NRG3: variants seen among roughly 807,000 people sequenced by gnomAD.
NRG3 encodes pro-neuregulin-3, membrane-bound isoform.
NRG3 carries 31 observed loss-of-function variants against 66.9 expected under a neutral mutation model. The observed-to-expected ratio is 0.46, with a 90% CI of 0.35 to 0.63. The LOEUF (loss-of-function observed/expected upper bound fraction) is 0.63. Ranked by LOEUF, NRG3 falls within the 20% of genes least tolerant of loss-of-function variation. NRG3 has a pLI of 0.00. For missense variants in NRG3, 910 were observed against 878.9 expected (o/e 1.04, Z -0.45); for synonymous variants, 393 against 359.4 (o/e 1.09, Z -1.06).
intron 3 of NRG3, among the ~76,000 whole-genome samples, chr10:82,800,715 A>G (rs1318778242): frequency 6.6e-6 from 1 of 152,214 alleles, no homozygotes; most frequent in African/African-American, 2.4e-5. Context: ...GCTGCAAAGT[A>G]CCAAATAAGA....
chr10:82,104,512 C>A lies in NRG3; in HGVS notation c.823+228349C>A, dbSNP rs140069583. Among the ~76,000 whole-genome samples, 13 of 152,276 alleles carry A rather than the reference C, an allele frequency of 8.5e-5. No homozygotes were observed. In the East Asian group the frequency reaches 2.5e-3, roughly 29 times the overall value. On this transcript the variant is annotated intron_variant, in intron 1 of 8. Transcript: ENST00000372141. ...AAATCAAGAACTTTGTTGCCACTAT[C>A]CGTCTTCAGTAAAACTGTTCTTAGA...
chr10:82,386,190 A>G (rs2085976399), intron 2 of NRG3, among the ~76,000 whole-genome samples: 1 of 152,204 alleles, frequency 6.6e-6, no homozygotes, highest in African/African-American at 2.4e-5. Flanking sequence ...TTTAAACGAA[A>G]ATGAAAAGAT....
Position 81,888,073 on chromosome 10 carries a change from G to A in NRG3, c.823+11910G>A, listed in dbSNP as rs143820481. Among the ~76,000 whole-genome samples, 502 of 152,206 alleles carry A rather than the reference G, an allele frequency of 3.3e-3. 1 individual carries two copies. Among genetic ancestry groups the A allele is most frequent in the African/African-American group, 0.011 (466 of 41,536 alleles). ...ACCAGGGTGGTGGCCTGAGTTTATAGGTTTTTCCATGTACAGAGACTGGAT... is the reference window on the plus strand; with the variant it reads ...ACCAGGGTGGTGGCCTGAGTTTATAAGTTTTTCCATGTACAGAGACTGGAT... On this transcript the variant is annotated intron_variant, in intron 1 of 8. Transcript: ENST00000372141.
chr10:82,415,720 T>A (rs1234259096), intron 2 of NRG3, among the ~76,000 whole-genome samples: 5 of 152,196 alleles, frequency 3.3e-5, no homozygotes, highest in Non-Finnish European at 7.3e-5. Context: ...TGACAAAGTT[T>A]ATTTTGCAGG....
chr10:82,167,039 T>C (rs1441771039), intron 1 of NRG3, among the ~76,000 whole-genome samples: 1 of 152,072 alleles, frequency 6.6e-6, no homozygotes, highest in Non-Finnish European at 1.5e-5. Flanking sequence ...TTTCTTTTTA[T>C]CACAGATTTT....
intron 4 of NRG3, among the ~76,000 whole-genome samples, chr10:82,947,227 A>G (rs760817549): frequency 1.2e-4 from 19 of 152,070 alleles, no homozygotes; most frequent in Non-Finnish European, 2.8e-4. Context: ...TTGCTGTCTG[A>G]TTTATTGCAC....
Position 82,635,560 on chromosome 10 carries a change from G to T in NRG3, c.954-103017G>T, listed in dbSNP as rs551534067. Among the ~76,000 whole-genome samples, 18 of 152,042 alleles carry T rather than the reference G, an allele frequency of 1.2e-4. No individual in the cohort carries two copies. In the East Asian group the frequency reaches 2.9e-3, roughly 25 times the overall value. ...GGGGAAAACGCCCCTTCTTATCTGA[G>T]CTCCATTTTTTCTCATAGACAAAAG... On this transcript the variant is annotated intron_variant, in intron 2 of 8. Transcript: ENST00000372141.
intron 3 of NRG3, among the ~76,000 whole-genome samples, chr10:82,844,008 ATAGT>A (rs1354932055): frequency 6.6e-6 from 1 of 152,116 alleles, no homozygotes; most frequent in Non-Finnish European, 1.5e-5. Flanking sequence ...ATCATTTGTC[ATAGT>A]TAAATAGATC....
chr10:82,709,326 G>A (rs2056509365), intron 2 of NRG3, among the ~76,000 whole-genome samples: 1 of 151,720 alleles, frequency 6.6e-6, no homozygotes. Context: ...CTTTCTTGTT[G>A]TTGTTGTTTT....
At chr10:82,878,104 A>G (rs2136037756) in intron 4 of NRG3, among the ~76,000 whole-genome samples, 1 of 152,298 alleles carries the variant, frequency 6.6e-6, no homozygotes, top group South Asian at 2.1e-4. Context: ...AAAAAATTAT[A>G]TTTCTACAGT....
chr10:82,223,766 C>G (rs2076050933), intron 1 of NRG3, among the ~76,000 whole-genome samples: 1 of 151,900 alleles, frequency 6.6e-6, no homozygotes, highest in Non-Finnish European at 1.5e-5. Context: ...CGTGTTCTGC[C>G]TAATTTCTTG....
Position 82,369,130 on chromosome 10 carries a change from A to G in NRG3, c.953+10262A>G, listed in dbSNP as rs145975618. 1.4e-4 allele frequency among the ~76,000 whole-genome samples: 18 copies of G among 132,248 alleles called. 5 individuals carry two copies. Among genetic ancestry groups the G allele is most frequent in the African/African-American group, 6.4e-4 (16 of 25,160 alleles). 86.8% of individuals were successfully genotyped at this position (132,248 alleles called of 152,430 possible). On this transcript the variant is annotated intron_variant, in intron 2 of 8. Transcript: ENST00000372141. ...ACATAAAAGATGGCTTAAGGGCCAA[A>G]TCACAATTTTTATGCGTAAACCAAA...
intron 1 of NRG3, among the ~76,000 whole-genome samples, chr10:82,298,863 G>A (rs2080228416): frequency 6.6e-6 from 1 of 152,160 alleles, no homozygotes; most frequent in Non-Finnish European, 1.5e-5. Flanking sequence ...GAGGAATGTA[G>A]ATTCCATCTT....
intron 1 of NRG3, among the ~76,000 whole-genome samples, chr10:82,291,610 C>T (rs553721490): frequency 1.3e-5 from 2 of 152,168 alleles, no homozygotes; most frequent in Non-Finnish European, 2.9e-5. Context: ...GCGAGAGAGA[C>T]ACAAATCAGT....
At chr10:82,484,266 A>G (rs1590298577) in intron 2 of NRG3, among the ~76,000 whole-genome samples, 1 of 152,206 alleles carries the variant, frequency 6.6e-6, no homozygotes, top group East Asian at 1.9e-4. Flanking sequence ...AAGTTTCAGA[A>G]TTAATCTAAG....
chr10:82,689,041 C>T (rs2054722062), intron 2 of NRG3, among the ~76,000 whole-genome samples: 1 of 152,054 alleles, frequency 6.6e-6, no homozygotes, highest in African/African-American at 2.4e-5. Context: ...ATCATTAGAA[C>T]TGTTAAGGAG....
At chr10:82,223,825 A>G (rs1367986755) in intron 1 of NRG3, among the ~76,000 whole-genome samples, 1 of 152,174 alleles carries the variant, frequency 6.6e-6, no homozygotes, top group Non-Finnish European at 1.5e-5. Flanking sequence ...GGGCAGGAAT[A>G]CCAAGGAAAA....
At chr10:82,514,185 T>C (rs1461591985) in intron 2 of NRG3, among the ~76,000 whole-genome samples, 1 of 152,226 alleles carries the variant, frequency 6.6e-6, no homozygotes, top group African/African-American at 2.4e-5. Flanking sequence ...AGAATCTCTT[T>C]AGTTTAACAG....
Position 82,349,278 on chromosome 10 carries a change from C to T in NRG3, c.824-9461C>T, listed in dbSNP as rs538673287. On this transcript the variant is annotated intron_variant, in intron 1 of 8. Transcript: ENST00000372141. ...TCCTTTCTGTTTGTTAGTTTTCCTTCTAACAGACGGGACCCTCAGCTGCAG... is the reference window on the plus strand; with the variant it reads ...TCCTTTCTGTTTGTTAGTTTTCCTTTTAACAGACGGGACCCTCAGCTGCAG... 3.7e-3 allele frequency among the ~76,000 whole-genome samples: 562 copies of T among 152,130 alleles called. 2 individuals carry two copies. Among genetic ancestry groups the T allele is most frequent in the African/African-American group, 0.013 (533 of 41,508 alleles).
Sources: gnomAD v4.1 joint callset for allele counts (sites outside exome capture counted in the v4.1 genomes callset) on GRCh38, gnomAD v4.1.1 for gene constraint, MANE v1.5 for transcripts, NCBI Gene and HGNC (gene_info 2026-07-23, HGNC 2026-07-21) for gene names.